DDAH1: variants seen among roughly 807,000 people sequenced by gnomAD.
DDAH1 encodes the protein N(G),N(G)-dimethylarginine dimethylaminohydrolase 1.
Under a neutral mutation model 28.8 loss-of-function variants are expected in DDAH1, and 19 were observed. That is an observed-to-expected ratio of 0.66 (90% CI 0.46 to 0.97). The LOEUF (loss-of-function observed/expected upper bound fraction) is 0.97. DDAH1 is among the 50% of genes least tolerant of loss of function. The probability of loss-of-function intolerance (pLI) is 0.00; values close to 1 mark genes in which losing one functional copy is unlikely to be tolerated. For synonymous variants in DDAH1, 153 were observed against 154.4 expected, an observed-to-expected ratio of 0.99 and a Z score of 0.07; for missense variants, 326 against 375.9, an observed-to-expected ratio of 0.87 and a Z score of 1.10.
chr1:85,573,176 C>G (rs1210505027), intron 1 of DDAH1, among the ~76,000 whole-genome samples: 1 of 152,192 alleles, frequency 6.6e-6, no homozygotes, highest in Non-Finnish European at 1.5e-5. Flanking sequence ...TGAATACTCC[C>G]TTACACTCAA....
intron 1 of DDAH1, among the ~76,000 whole-genome samples, chr1:85,383,675 T>C (rs1368115404): frequency 6.6e-6 from 1 of 152,308 alleles, no homozygotes; most frequent in Non-Finnish European, 1.5e-5. Flanking sequence ...CAAACTTCAC[T>C]GTTGTCTTAT....
chr1:85,379,742 C>T lies in DDAH1; in HGVS notation c.304-20895G>A, dbSNP rs572736457. ...TTTCCCAAACCTGCTGGCATCCTTA[C>T]TTTCCAACTCAGTTAATGTCATCAC... On this transcript the variant is annotated intron_variant, in intron 1 of 5. Coordinates refer to ENST00000284031, the MANE Select transcript of DDAH1 (RefSeq NM_012137.4). The T allele has an allele frequency of 6.5e-5, 64 of 978,192 alleles. No homozygotes were observed. In the African/African-American group the frequency reaches 1.1e-3, roughly 16 times the overall value. The allele number at this position is 978,192 out of a possible 1,614,324, so 60.6% of individuals were successfully genotyped here.
chr1:85,323,138 C>T (rs931507356), intron 5 of DDAH1, among the ~76,000 whole-genome samples: 2 of 152,038 alleles, frequency 1.3e-5, no homozygotes, highest in African/African-American at 4.8e-5. Context: ...TTTTTATCTG[C>T]TCAGAAAGAG....
At chr1:85,451,007 A>G (rs1654648564) in intron 1 of DDAH1, among the ~76,000 whole-genome samples, 1 of 152,216 alleles carries the variant, frequency 6.6e-6, no homozygotes. Flanking sequence ...TAAAACCATG[A>G]GCTGGAGAGA....
intron 1 of DDAH1, among the ~76,000 whole-genome samples, chr1:85,427,682 C>G (rs960452169): frequency 1.3e-5 from 2 of 152,080 alleles, no homozygotes; most frequent in Non-Finnish European, 2.9e-5. Flanking sequence ...CAAACAAACA[C>G]AGTGTAAATA....
chr1:85,360,104 T>C (rs1271585377), intron 1 of DDAH1, among the ~76,000 whole-genome samples: 2 of 152,332 alleles, frequency 1.3e-5, no homozygotes, highest in East Asian at 1.9e-4. Flanking sequence ...GTGTGAATTG[T>C]CAGTGAAGAG....
In DDAH1 at chr1:85,358,465, C is replaced by A. The variant is rs528815757; in HGVS notation, c.403+283G>T. ...AGGAGTTTGAGACCAGCCTGGCCAA[C>A]ATAGTGAAATCCCATCTCTACTGAA... is the stretch of plus-strand genomic sequence containing the variant. On this transcript the variant is annotated intron_variant, in intron 2 of 5. Coordinates refer to ENST00000284031, the MANE Select transcript of DDAH1 (RefSeq NM_012137.4). Among the ~76,000 whole-genome samples the A allele has an allele frequency of 1.2e-3, 178 of 152,074 alleles. 1 individual carries two copies. Among genetic ancestry groups the A allele is most frequent in the African/African-American group, 4.2e-3 (175 of 41,474 alleles).
At chr1:85,405,852 G>C (rs924420699) in intron 1 of DDAH1, among the ~76,000 whole-genome samples, 2 of 152,158 alleles carry the variant, frequency 1.3e-5, no homozygotes, top group Non-Finnish European at 2.9e-5. Context: ...CTCATGTAAT[G>C]AATGCTCTCA....
At chr1:85,336,751 T>C (rs1208204957) in intron 4 of DDAH1, among the ~76,000 whole-genome samples, 2 of 151,894 alleles carry the variant, frequency 1.3e-5, no homozygotes, top group African/African-American at 4.8e-5. Flanking sequence ...AAGTTTTTTT[T>C]TGAAAAAATA....
intron 1 of DDAH1, among the ~76,000 whole-genome samples, chr1:85,392,668 C>T (rs906464032): frequency 2.6e-5 from 4 of 151,874 alleles, no homozygotes; most frequent in African/African-American, 9.7e-5. Flanking sequence ...TGGCATGTGC[C>T]TGTAATCCCA....
chr1:85,435,921 G>C (rs1375256100), intron 1 of DDAH1, among the ~76,000 whole-genome samples: 1 of 151,722 alleles, frequency 6.6e-6, no homozygotes, highest in Admixed American at 6.6e-5. Context: ...CTCCCGAGTA[G>C]CTGGGACTAC....
intron 1 of DDAH1, among the ~76,000 whole-genome samples, chr1:85,436,424 T>C (rs1251043663): frequency 6.6e-6 from 1 of 152,160 alleles, no homozygotes; most frequent in Non-Finnish European, 1.5e-5. Context: ...AAATGGACAA[T>C]ATAGCTTTTG....
At chr1:85,530,059 G>C (rs1374571261) in intron 1 of DDAH1, among the ~76,000 whole-genome samples, 1 of 108,334 alleles carries the variant, frequency 9.2e-6, no homozygotes, top group Non-Finnish European at 2.3e-5. Context: ...AGCAGAGCTG[G>C]TGGTACCCAG....
At chr1:85,346,856 A>C (rs1190659979) in intron 4 of DDAH1, among the ~76,000 whole-genome samples, 1 of 152,206 alleles carries the variant, frequency 6.6e-6, no homozygotes, top group African/African-American at 2.4e-5. Flanking sequence ...AAATTTTTGC[A>C]ATCTACTCAT....
intron 1 of DDAH1, among the ~76,000 whole-genome samples, chr1:85,505,141 A>G (rs920418516): frequency 6.6e-6 from 1 of 151,390 alleles, no homozygotes; most frequent in Admixed American, 6.6e-5. Context: ...ACACACCACC[A>G]TGCCCGGCTG....
chr1:85,345,337 T>A lies in DDAH1; in HGVS notation c.597+5078A>T, dbSNP rs12025443. On this transcript the variant is annotated intron_variant, in intron 4 of 5. Transcript: ENST00000284031. ...GCTAATTAATTTGTCTTACATTATT[T>A]TTTTTTTTTTTTACAGGTAGAGGGG... Among the ~76,000 whole-genome samples the A allele has an allele frequency of 8.3e-5, 12 of 143,822 alleles. No homozygotes were observed. The East Asian group carries it at 1.6e-3, about 19-fold the overall frequency. 94.4% of individuals were successfully genotyped at this position (143,822 alleles called of 152,430 possible). A position where few individuals can be genotyped will look rare whatever the true frequency, so the allele number is the denominator to read the frequency against.
chr1:85,457,672 C>A (rs1280127651), intron 1 of DDAH1, among the ~76,000 whole-genome samples: 1 of 152,116 alleles, frequency 6.6e-6, no homozygotes, highest in African/African-American at 2.4e-5. Context: ...ATTTCTTAAG[C>A]AAAATAATGA....
intron 1 of DDAH1, among the ~76,000 whole-genome samples, chr1:85,441,823 T>C (rs1410216764): frequency 6.6e-6 from 1 of 152,256 alleles, no homozygotes; most frequent in Admixed American, 6.5e-5. Flanking sequence ...AAGAAAGATC[T>C]GTCTTATATC....
rs531139459 is a variant in DDAH1 at position 85,489,150 on chromosome 1, A to G, written c.-7+7016T>C. Among the ~76,000 whole-genome samples, 14 of 152,328 alleles carry G rather than the reference A, an allele frequency of 9.2e-5. No individual in the cohort carries two copies. The South Asian group carries it at 2.7e-3, about 29-fold the overall frequency. On this transcript the variant is annotated intron_variant, in intron 2 of 6. Coordinates refer to the DDAH1 transcript ENST00000426972. ...ACAGAAGATTTAGTGGTCTTTGTGAATAAAGTTAAAATGGTTATTCAGACC... is the reference window on the plus strand; with the variant it reads ...ACAGAAGATTTAGTGGTCTTTGTGAGTAAAGTTAAAATGGTTATTCAGACC...
Sources: allele counts gnomAD v4.1 joint callset (sites outside exome capture counted in the v4.1 genomes callset), GRCh38; gene constraint gnomAD v4.1.1; transcripts MANE v1.5; gene names NCBI Gene and HGNC (gene_info 2026-07-23, HGNC 2026-07-21).